The following OCRL variants were observed in gnomAD, a reference collection of about 807,000 sequenced individuals.
OCRL encodes the protein OCRL inositol polyphosphate-5-phosphatase, also known as inositol polyphosphate 5-phosphatase OCRL.
OCRL carries 8 observed loss-of-function variants against 78.9 expected under a neutral mutation model. The observed-to-expected ratio is 0.10, with a 90% CI of 0.06 to 0.18. The LOEUF (loss-of-function observed/expected upper bound fraction) is 0.18, where lower values mean the gene tolerates loss of function less well. Ranked by LOEUF, OCRL falls within the 10% of genes least tolerant of loss-of-function variation. The pLI, the probability that OCRL is intolerant of heterozygous loss-of-function variation, is 1.00. For synonymous variants in OCRL, 240 were observed against 235.4 expected (o/e 1.02, Z -0.18); for missense variants, 454 against 696.7 (o/e 0.65, Z 3.92).
At chrX:129,551,174 T>C (rs1382649926) in intron 4 of OCRL, among the ~76,000 whole-genome samples, 1 of 111,585 alleles carries the variant, frequency 9.0e-6, no homozygotes, top group African/African-American at 3.3e-5. Context: ...CAGGCACTTT[T>C]GTAAGTGCAG....
At chrX:129,586,168 A>G (rs1245901185) in intron 19 of OCRL, among the ~76,000 whole-genome samples, 2 of 111,844 alleles carry the variant, frequency 1.8e-5, no homozygotes, top group African/African-American at 3.2e-5. Flanking sequence ...GCCATTTCCA[A>G]TTCACATATA....
chrX:129,552,664 A>G (rs1935981025), intron 4 of OCRL, among the ~76,000 whole-genome samples: 1 of 112,218 alleles, frequency 8.9e-6, no homozygotes, highest in African/African-American at 3.2e-5. Flanking sequence ...ACCTCAGGTG[A>G]TCTGCCCACC....
rs1936371094 is a variant in OCRL, at chrX:129,576,536, C to G, written c.2099C>G (p.Thr700Ser). The change falls in exon 18 of 24, where the codon ACC (threonine) becomes AGC (serine). Residue 700 changes from threonine to serine, a missense_variant. This residue lies in a region of OCRL where 277 missense variants were observed against 517.1 expected (regional missense o/e 0.54). Transcript: ENST00000371113. The stretch of plus-strand genomic sequence containing the variant: ...AGACCAATCCGAGAAGTTCCTGTTA[C>G]CAAACTCATAGACTTGGTAAGAACT... ...MKRPIREVPV[T>S]KLIDLEEDSF... is the part of the protein sequence containing the mutation. The G allele has an allele frequency of 8.4e-7, 1 of 1,197,208 alleles. No individual in the cohort carries two copies. Among genetic ancestry groups the G allele is most frequent in the African/African-American group, 1.8e-5 (1 of 57,118 alleles).
Position 129,548,012 on chromosome X carries a change from C to T in OCRL, c.200-551C>T, listed in dbSNP as rs139610807. Among the ~76,000 whole-genome samples, 978 of 111,886 alleles carry T rather than the reference C, an allele frequency of 8.7e-3. 15 individuals are homozygous for T. The highest frequency in any genetic ancestry group is 0.03 in the African/African-American group (926 of 30,775). On this transcript the variant is annotated intron_variant, in intron 3 of 23. Transcript: ENST00000371113. ...AGACTGCTTTGCACCCTGTTTGGTA[C>T]GGAGGGCCTTGGGCCCACAGGTAGT...
At chrX:129,578,842 T>G (rs1936405213) in intron 18 of OCRL, among the ~76,000 whole-genome samples, 1 of 111,290 alleles carries the variant, frequency 9.0e-6, no homozygotes, top group Non-Finnish European at 1.9e-5. Flanking sequence ...TTCTGAGTTT[T>G]TATTAAATTG....
chrX:129,555,181 A>G (rs1936024921), intron 4 of OCRL, among the ~76,000 whole-genome samples: 1 of 109,010 alleles, frequency 9.2e-6, no homozygotes, highest in African/African-American at 3.3e-5. Context: ...TATTGTTTTT[A>G]AAGTGCCTCT....
chrX:129,575,565 T>G, intron 16 of OCRL: 1 of 383,483 alleles, frequency 2.6e-6, no homozygotes, highest in Non-Finnish European at 4.5e-6. Context: ...TTATTTAATA[T>G]TTCAGAGTTG....
chrX:129,566,747 A>G (rs1407844146), intron 13 of OCRL, among the ~76,000 whole-genome samples: 1 of 112,083 alleles, frequency 8.9e-6, no homozygotes, highest in East Asian at 2.8e-4. Context: ...TTGGCTGACA[A>G]ATTTCTTTGC....
At chrX:129,564,641 T>C (rs1936191433) in intron 12 of OCRL, among the ~76,000 whole-genome samples, 1 of 109,731 alleles carries the variant, frequency 9.1e-6, no homozygotes, top group South Asian at 4.0e-4. Context: ...AAACACTGCA[T>C]GTTCTCACTC....
intron 13 of OCRL, among the ~76,000 whole-genome samples, chrX:129,566,358 A>G (rs1222109020): frequency 1.8e-5 from 2 of 112,600 alleles, no homozygotes; most frequent in Non-Finnish European, 3.8e-5. Context: ...TCTGGGATCA[A>G]CAGCATAGGC....
chrX:129,541,586 T>G lies in OCRL; in HGVS notation c.119+763T>G, dbSNP rs745511061. ...TCACTCTATTGTCACTAATATCTTA[T>G]CTCAAAAATATCCATGGTGACCATT... On this transcript the variant is annotated intron_variant, in intron 2 of 23. Coordinates refer to ENST00000371113, the MANE Select transcript of OCRL (RefSeq NM_000276.4). Among the ~76,000 whole-genome samples, 4 of 112,261 alleles carry G rather than the reference T, an allele frequency of 3.6e-5. No homozygotes were observed. In the East Asian group the frequency reaches 1.1e-3, roughly 31 times the overall value.
At chrX:129,549,368 T>C (rs1479827935) in intron 4 of OCRL, among the ~76,000 whole-genome samples, 2 of 112,345 alleles carry the variant, frequency 1.8e-5, no homozygotes, top group Non-Finnish European at 3.8e-5. Context: ...ATCAAATGGG[T>C]TGCCTTATCT....
chrX:129,587,221 A>G, intron 20 of OCRL, 103 bp downstream of exon 20: 2 of 574,109 alleles, frequency 3.5e-6, no homozygotes, highest in Non-Finnish European at 6.3e-6. Context: ...TTCCCAAGCT[A>G]CCTGCACACA....
At chrX:129,555,707 G>A (rs989351781) in intron 4 of OCRL, among the ~76,000 whole-genome samples, 1 of 111,857 alleles carries the variant, frequency 8.9e-6, no homozygotes, top group Admixed American at 9.4e-5. Flanking sequence ...GTGTTATTTT[G>A]TGAGCAATTT....
At chrX:129,543,012 A>G (rs1935832291) in intron 2 of OCRL, among the ~76,000 whole-genome samples, 1 of 111,801 alleles carries the variant, frequency 8.9e-6, no homozygotes, top group South Asian at 3.7e-4. Context: ...TTTTTCAAGG[A>G]TAATAGATTA....
At chrX:129,568,015 G>A (rs1044023897) in intron 14 of OCRL, among the ~76,000 whole-genome samples, 2 of 106,674 alleles carry the variant, frequency 1.9e-5, no homozygotes, top group African/African-American at 3.4e-5. Flanking sequence ...CCGGGTTCAC[G>A]CCATTCTCCT....
rs1936158939 is a variant in OCRL, at chrX:129,562,465, A to G, written c.1021A>G (p.Thr341Ala). 2 of 1,207,006 alleles carry G rather than the reference A, an allele frequency of 1.7e-6. No homozygotes were observed. The highest frequency in any genetic ancestry group is 2.2e-5 in the Admixed American group (1 of 45,715). The change falls in exon 11 of 24, where the codon ACA (threonine) becomes GCA (alanine). Residue 341 changes from threonine (T) to alanine (A), a missense_variant. By Grantham distance (58) the Thr-to-Ala change is moderately conservative. Around this residue, in one of 2 missense-constraint regions of OCRL, gnomAD observed 277 missense variants for 517.1 expected, o/e 0.54. Transcript: ENST00000371113. ...GTGTCGATACATTCGTGATATTGCT[A>G]CAGAAACAGTTGGAACTGGAATCAT... Reference protein sequence around the residue: ...DQCRYIRDIATETVGTGIMGK... With the variant: ...DQCRYIRDIAAETVGTGIMGK...
intron 15 of OCRL, among the ~76,000 whole-genome samples, chrX:129,570,626 A>AT (rs1936287570): frequency 8.9e-6 from 1 of 112,474 alleles, no homozygotes; most frequent in African/African-American, 3.2e-5. Flanking sequence ...ACTTTTGTCC[A>AT]TTTTGAAATT....
At chrX:129,584,847 A>C (rs1451522920) in intron 19 of OCRL, among the ~76,000 whole-genome samples, 6 of 112,441 alleles carry the variant, frequency 5.3e-5, no homozygotes, top group African/African-American at 1.9e-4. Context: ...GAACAAGATC[A>C]TAAAAGATCA....
Sources: gnomAD v4.1 joint callset for allele counts (sites outside exome capture counted in the v4.1 genomes callset) on GRCh38, gnomAD v4.1.1 for gene constraint, gnomAD v4.1.1 regional missense constraint, MANE v1.5 for transcripts, NCBI Gene and HGNC (gene_info 2026-07-23, HGNC 2026-07-21) for gene names.